BACH1: variants seen among roughly 807,000 people sequenced by gnomAD.
BACH1 encodes BTB domain and CNC homolog 1, also known as transcription regulator protein BACH1.
In BACH1, 35 loss-of-function variants were observed where a neutral mutation model predicts 52.9. The ratio of observed to expected loss-of-function variants is 0.66; its 90% CI spans 0.51 to 0.88. The LOEUF (loss-of-function observed/expected upper bound fraction) is 0.88. BACH1 is among the 40% of genes least tolerant of loss of function. BACH1 has a pLI of 0.00. For missense variants in BACH1, 808 were observed against 872.6 expected (o/e 0.93, Z 0.93); for synonymous variants, 321 against 319.6 (o/e 1.00, Z -0.05).
At position 29,329,594 on chromosome 21, in the gene BACH1, T is replaced by C. The variant is rs1442927142; in HGVS notation, c.1677T>C (p.His559=). The C allele has an allele frequency of 6.2e-7, 1 of 1,606,920 alleles. No individual in the cohort carries two copies. The highest frequency in any genetic ancestry group is 2.2e-5 in the East Asian group (1 of 44,670). Residue 559 remains histidine (H), a synonymous_variant, in exon 4 of 5, where the codon CAT becomes CAC. Transcript: ENST00000286800. The part of the protein sequence containing the change: ...KLTPEQLDCI[H]DIRRRSKNRI... ...CTCCAGAACAGCTGGATTGTATCCA[T>C]GATATTCGAAGAAGAAGTAAAAACA...
chr21:29,304,043 T>G (rs1461991206), intron 1 of BACH1, among the ~76,000 whole-genome samples: 1 of 152,210 alleles, frequency 6.6e-6, no homozygotes, highest in Non-Finnish European at 1.5e-5. Flanking sequence ...GAAAAATAAA[T>G]GTAAACACTT....
At chr21:29,304,587 AT>A (rs1316385637) in intron 1 of BACH1, among the ~76,000 whole-genome samples, 1 of 152,194 alleles carries the variant, frequency 6.6e-6, no homozygotes, top group African/African-American at 2.4e-5. Context: ...TAGCCTGGAC[AT>A]TAGTAATAGC....
chr21:29,328,051 A>T (rs1166138646), intron 3 of BACH1, among the ~76,000 whole-genome samples: 1 of 152,242 alleles, frequency 6.6e-6, no homozygotes, highest in African/African-American at 2.4e-5. Flanking sequence ...TGCAGCATAT[A>T]TTCAGTCTTG....
At chr21:29,336,552 C>G (rs540830470) in intron 4 of BACH1, among the ~76,000 whole-genome samples, 3 of 152,226 alleles carry the variant, frequency 2.0e-5, no homozygotes, top group African/African-American at 7.2e-5. Context: ...ATGACCTTCA[C>G]TGTGATTACC....
intron 1 of BACH1, among the ~76,000 whole-genome samples, chr21:29,304,587 A>T (rs2088635504): frequency 6.6e-6 from 1 of 152,194 alleles, no homozygotes; most frequent in African/African-American, 2.4e-5. Flanking sequence ...TAGCCTGGAC[A>T]TTAGTAATAG....
intron 1 of BACH1, among the ~76,000 whole-genome samples, chr21:29,309,954 C>T (rs971340726): frequency 6.6e-6 from 1 of 152,186 alleles, no homozygotes; most frequent in Non-Finnish European, 1.5e-5. Context: ...CCCTTGTTCA[C>T]ATGGCTAGAC....
Position 29,321,418 on chromosome 21 carries a change from C to T in BACH1, c.138C>T (p.Arg46=), listed in dbSNP as rs575744738. The T allele has an allele frequency of 4.8e-5, 78 of 1,614,204 alleles. No individual in the cohort carries two copies. The highest frequency in any genetic ancestry group is 3.6e-4 in the South Asian group (33 of 91,088). The part of the protein sequence containing the change: ...VTIFVEGQRF[R]AHRSVLAACS... ...TCTTTGTGGAGGGACAGCGGTTCCG[C>T]GCTCACCGGTCCGTGCTGGCGGCAT... The change falls in exon 2 of 5, where the codon CGC becomes CGT. Residue 46 remains arginine (R), a synonymous_variant. Transcript: ENST00000286800.
chr21:29,342,657 G>C lies in BACH1; in HGVS notation c.2035G>C (p.Val679Leu), dbSNP rs372229581. Residue 679 changes from valine to leucine, a missense_variant, in exon 5 of 5, where the codon GTG (valine) becomes CTG (leucine). Coordinates refer to ENST00000286800, the MANE Select transcript of BACH1 (RefSeq NM_001186.4). ...CAGTTTATCTGACCGGCCTCCAGCA[G>C]TGCTGCCTCCCTGTGCCAGAGGAAA... ...IFSLSDRPPA[V>L]LPPCARGNSE... 6.2e-7 allele frequency: 1 copy of C among 1,614,100 alleles called. No homozygotes were observed. The highest frequency in any genetic ancestry group is 8.5e-7 in the Non-Finnish European group (1 of 1,180,048).
intron 1 of BACH1, among the ~76,000 whole-genome samples, chr21:29,312,452 C>T (rs2088736634): frequency 6.6e-6 from 1 of 152,084 alleles, no homozygotes; most frequent in African/African-American, 2.4e-5. Flanking sequence ...AAGAAATAAG[C>T]ATAAAGACGG....
At chr21:29,357,099 G>A (rs2089239291) in intron 2 of BACH1, among the ~76,000 whole-genome samples, 1 of 152,180 alleles carries the variant, frequency 6.6e-6, no homozygotes, top group East Asian at 1.9e-4. Context: ...TGCAGCATGG[G>A]CATGTAGGAT....
chr21:29,311,570 GTTTA>G (rs1224831366), intron 1 of BACH1, among the ~76,000 whole-genome samples: 4 of 152,022 alleles, frequency 2.6e-5, no homozygotes, highest in Admixed American at 6.6e-5. Flanking sequence ...TTACACCTCA[GTTTA>G]TTTATCAACC....
At chr21:29,334,116 T>A (rs1204406233) in intron 4 of BACH1, among the ~76,000 whole-genome samples, 2 of 151,876 alleles carry the variant, frequency 1.3e-5, no homozygotes, top group African/African-American at 2.4e-5. Flanking sequence ...TTTTTATTTT[T>A]TTTTTTGAGG....
Position 29,303,172 on chromosome 21 carries a change from A to G in BACH1, c.-61+4219A>G, listed in dbSNP as rs1381443006. 2.0e-5 allele frequency among the ~76,000 whole-genome samples: 3 copies of G among 152,224 alleles called. No individual in the cohort carries two copies. In the East Asian group the frequency reaches 5.8e-4, roughly 29 times the overall value. Reference sequence around the variant, plus strand: ...GTAAGCTAATTAGTTTCTTCTAAGTATTATGTTTTCTTTAGATGATATGCC... The same window carrying G: ...GTAAGCTAATTAGTTTCTTCTAAGTGTTATGTTTTCTTTAGATGATATGCC... On this transcript the variant is annotated intron_variant, in intron 1 of 4. Transcript: ENST00000286800.
At chr21:29,357,978 C>T (rs982317103) in intron 2 of BACH1, among the ~76,000 whole-genome samples, 2 of 152,168 alleles carry the variant, frequency 1.3e-5, no homozygotes, top group Non-Finnish European at 2.9e-5. Flanking sequence ...CACCTAGTCC[C>T]CACACGCCCT....
Position 29,321,328 on chromosome 21 carries a change from T to C in BACH1, c.48T>C (p.His16=). ...TTTTTGCCTATGAATCTTCTGTGCA[T>C]AGCACCAATGTTTTACTCAGCCTTA... ...NSVFAYESSV[H]STNVLLSLND... The change falls in exon 2 of 5, where the codon CAT becomes CAC. Residue 16 remains histidine, a synonymous_variant. Coordinates refer to ENST00000286800, the MANE Select transcript of BACH1 (RefSeq NM_001186.4). 1.2e-6 allele frequency: 2 copies of C among 1,614,242 alleles called. No homozygotes were observed. Among genetic ancestry groups the C allele is most frequent in the African/African-American group, 1.3e-5 (1 of 75,068 alleles).
rs2088924011 is a variant in BACH1, at chr21:29,327,199, G to A, written c.1375G>A (p.Val459Ile). Residue 459 changes from valine (V) to isoleucine (I), a missense_variant, in exon 3 of 5, where the codon GTC becomes ATC. Transcript: ENST00000286800. ...GQRTFTTLSSVNCPFISTLST... is the reference protein window; with the variant it reads ...GQRTFTTLSSINCPFISTLST... ...AAGGACTTTCACAACATTAAGTTCT[G>A]TCAACTGCCCTTTTATAAGTACTCT... 6.2e-7 allele frequency: 1 copy of A among 1,614,086 alleles called. No individual in the cohort carries two copies. Among genetic ancestry groups the A allele is most frequent in the Non-Finnish European group, 8.5e-7 (1 of 1,180,058 alleles).
downstream of BACH1, among the ~76,000 whole-genome samples, chr21:29,346,690 G>A (rs2089170715): frequency 1.3e-5 from 2 of 152,176 alleles, no homozygotes; most frequent in Admixed American, 1.3e-4. Context: ...CCAGGGTATC[G>A]ATCTGGCTGA....
At chr21:29,341,368 G>C (rs1487358421) in intron 4 of BACH1, among the ~76,000 whole-genome samples, 1 of 152,146 alleles carries the variant, frequency 6.6e-6, no homozygotes, top group Non-Finnish European at 1.5e-5. Flanking sequence ...AATTTCATAA[G>C]AAAAACGTTT....
chr21:29,342,335 G>C, intron 4 of BACH1, 64 bp from the exon 5 acceptor site: 3 of 1,457,796 alleles, frequency 2.1e-6, no homozygotes, highest in Non-Finnish European at 2.8e-6. Flanking sequence ...TTATTTGATC[G>C]CCTTGGAAAT....
Sources: gnomAD v4.1 joint callset for allele counts (sites outside exome capture counted in the v4.1 genomes callset) on GRCh38, gnomAD v4.1.1 for gene constraint, MANE v1.5 for transcripts, NCBI Gene and HGNC (gene_info 2026-07-23, HGNC 2026-07-21) for gene names.